Variants in SERINC5 observed in about 807,000 individuals in gnomAD.
SERINC5 encodes the protein serine incorporator 5.
A neutral mutation model predicts 63.1 loss-of-function variants in SERINC5; 41 were observed. The observed-to-expected ratio is 0.65, with a 90% CI of 0.51 to 0.84. SERINC5 has a LOEUF of 0.84. SERINC5 is among the 40% of genes least tolerant of loss of function. The probability of loss-of-function intolerance (pLI) is 0.00; values close to 1 mark genes in which losing one functional copy is unlikely to be tolerated. For missense variants in SERINC5, 523 were observed against 573.0 expected, an observed-to-expected ratio of 0.91 and a Z score of 0.89; for synonymous variants, 222 against 215.2, an observed-to-expected ratio of 1.03 and a Z score of -0.28.
intron 1 of SERINC5, among the ~76,000 whole-genome samples, chr5:80,254,598 A>T (rs551276694): frequency 1.3e-5 from 2 of 152,274 alleles, no homozygotes; most frequent in East Asian, 3.9e-4. Flanking sequence ...GTATTTCAAA[A>T]CGGGAATAAA....
intron 12 of SERINC5, chr5:80,113,506 T>G (rs1237391797): frequency 5.5e-6 from 1 of 182,838 alleles, no homozygotes; most frequent in East Asian, 1.6e-4. Flanking sequence ...TGTATTAGTT[T>G]GTTTTCATGC....
intron 11 of SERINC5, among the ~76,000 whole-genome samples, chr5:80,126,877 C>T (rs1453000234): frequency 6.6e-6 from 1 of 151,982 alleles, no homozygotes; most frequent in African/African-American, 2.4e-5. Context: ...TACAGGCATG[C>T]GATACCAAGC....
At chr5:80,229,087 G>A (rs140941484) in intron 1 of SERINC5, among the ~76,000 whole-genome samples, 10 of 121,986 alleles carry the variant, frequency 8.2e-5, no homozygotes, top group African/African-American at 2.3e-4. Context: ...GCAGTGGTGC[G>A]ATCTCGGCTC....
At chr5:80,253,620 C>A (rs1752521993) in intron 1 of SERINC5, among the ~76,000 whole-genome samples, 1 of 152,154 alleles carries the variant, frequency 6.6e-6, no homozygotes, top group African/African-American at 2.4e-5. Context: ...ATCTAAGACA[C>A]CCCAGCCACC....
intron 1 of SERINC5, among the ~76,000 whole-genome samples, chr5:80,241,915 G>A (rs1004822696): frequency 1.3e-5 from 2 of 151,866 alleles, no homozygotes; most frequent in African/African-American, 4.8e-5. Flanking sequence ...TTGGAGCCCA[G>A]GAGTTTGAGA....
chr5:80,163,934 C>T (rs1250698848), intron 7 of SERINC5, among the ~76,000 whole-genome samples: 2 of 152,038 alleles, frequency 1.3e-5, no homozygotes, highest in Non-Finnish European at 2.9e-5. Flanking sequence ...GGCACAATTT[C>T]AGGAGGATTG....
At chr5:80,245,953 T>C (rs1752149671) in intron 1 of SERINC5, among the ~76,000 whole-genome samples, 1 of 114,722 alleles carries the variant, frequency 8.7e-6, no homozygotes, top group Non-Finnish European at 1.7e-5. Context: ...ACTTTAGGGA[T>C]TGTCAGCTCT....
chr5:80,158,037 T>A (rs1351520309), intron 8 of SERINC5: 2 of 152,226 alleles, frequency 1.3e-5, no homozygotes, highest in East Asian at 1.9e-4. Flanking sequence ...TGCCTATGGC[T>A]GAATTCAATG....
At chr5:80,194,071 T>C (rs1345235732) in intron 2 of SERINC5, among the ~76,000 whole-genome samples, 1 of 152,208 alleles carries the variant, frequency 6.6e-6, no homozygotes, top group Non-Finnish European at 1.5e-5. Flanking sequence ...AACTTCCTCC[T>C]TGATAACTTG....
chr5:80,252,758 G>A (rs894960515), intron 1 of SERINC5, among the ~76,000 whole-genome samples: 2 of 152,042 alleles, frequency 1.3e-5, no homozygotes, highest in Non-Finnish European at 2.9e-5. Context: ...CAATAGTTGA[G>A]GTAAAATGAG....
chr5:80,232,407 GAA>G (rs70982043), intron 1 of SERINC5, among the ~76,000 whole-genome samples: 44 of 110,322 alleles, frequency 4.0e-4, no homozygotes, highest in Admixed American at 8.0e-4. Flanking sequence ...CTGTCTCAAA[GAA>G]AAAAAAAAAA....
downstream of SERINC5, among the ~76,000 whole-genome samples, chr5:80,136,875 C>T (rs1387993133): frequency 6.6e-6 from 1 of 152,152 alleles, no homozygotes; most frequent in Non-Finnish European, 1.5e-5. Context: ...GTGGCTCGCG[C>T]CTGTAATCCC....
chr5:80,114,863 T>C (rs928214386), intron 11 of SERINC5, among the ~76,000 whole-genome samples: 2 of 151,948 alleles, frequency 1.3e-5, no homozygotes, highest in African/African-American at 4.9e-5. Context: ...TAACTCTGAC[T>C]AGGAATTGTA....
chr5:80,143,995 C>A, intron 11 of SERINC5, 185 bp from the exon 12 acceptor site: 3 of 675,688 alleles, frequency 4.4e-6, no homozygotes, highest in Non-Finnish European at 7.3e-6. Flanking sequence ...TCATGCACCC[C>A]TTAGGTGCTC....
At position 80,143,349 on chromosome 5, in the gene SERINC5, A is replaced by T; in HGVS notation, c.*314T>A. 9.3e-7 allele frequency: 1 copy of T among 1,075,726 alleles called. No individual in the cohort carries two copies. Among genetic ancestry groups the T allele is most frequent in the Non-Finnish European group, 1.1e-6 (1 of 888,366 alleles). The allele number at this position is 1,075,726 out of a possible 1,614,324, so 66.6% of individuals were successfully genotyped here. On this transcript the variant is annotated 3_prime_UTR_variant, in exon 12 of 12. Coordinates refer to ENST00000507668, the MANE Select transcript of SERINC5 (RefSeq NM_001174072.3). The stretch of plus-strand genomic sequence containing the variant: ...AAGATATTTTTATCCCTGTGAAAAG[A>T]TGCTGTGCCCCAAATTCTGTTTTGG...
At chr5:80,207,909 C>T (rs183712895) in intron 1 of SERINC5, among the ~76,000 whole-genome samples, 2 of 152,240 alleles carry the variant, frequency 1.3e-5, no homozygotes, top group Non-Finnish European at 2.9e-5. Flanking sequence ...ATCTCACAGC[C>T]CTGCTGACTG....
chr5:80,215,287 T>TCCTGCTCCTGCCATGTAAGACA, intron 1 of SERINC5, among the ~76,000 whole-genome samples: 1 of 152,296 alleles, frequency 6.6e-6, no homozygotes, highest in African/African-American at 2.4e-5. Flanking sequence ...TCTCTCTTGC[T>TCCTGCTCCTGCCATGTAAGACA]CCTGCTCCTG....
At position 80,158,935 on chromosome 5, in the gene SERINC5, G is replaced by T. The variant is rs772974140; in HGVS notation, c.887C>A (p.Thr296Lys). The T allele has an allele frequency of 6.8e-6, 11 of 1,613,742 alleles. No homozygotes were observed. The South Asian group carries it at 9.9e-5, about 14-fold the overall frequency. ...VVLDEHGKNVTICVPDFGQDL... is the reference protein window; with the variant it reads ...VVLDEHGKNVKICVPDFGQDL... ...TTGACCAAAGTCAGGCACACAGATT[G>T]TAACATTTTTCCCATGTTCATCTAG... Residue 296 changes from threonine to lysine, a missense_variant, in exon 8 of 12, where the codon ACA becomes AAA. Thr to Lys is a moderately conservative substitution (Grantham distance 78, BLOSUM62 -1). Coordinates refer to ENST00000507668, the MANE Select transcript of SERINC5 (RefSeq NM_001174072.3).
intron 5 of SERINC5, among the ~76,000 whole-genome samples, chr5:80,174,549 G>A (rs1048819043): frequency 2.6e-5 from 4 of 151,988 alleles, no homozygotes; most frequent in African/African-American, 7.3e-5. Flanking sequence ...AGGTACTTTA[G>A]TTGTTCTATT....
Sources: allele counts gnomAD v4.1 joint callset (sites outside exome capture counted in the v4.1 genomes callset), GRCh38; gene constraint gnomAD v4.1.1; transcripts MANE v1.5; gene names NCBI Gene and HGNC (gene_info 2026-07-23, HGNC 2026-07-21).